Variants in LEPR observed in about 807,000 individuals in gnomAD.
LEPR encodes the protein leptin receptor.
In LEPR, 56 loss-of-function variants were observed where a neutral mutation model predicts 114.7. The observed-to-expected ratio is 0.49, with a 90% CI of 0.39 to 0.61. The LOEUF (loss-of-function observed/expected upper bound fraction) is 0.61. Among genes scored for constraint, LEPR ranks in the 20% least tolerant of loss-of-function variants. The probability of loss-of-function intolerance (pLI) is 0.00; values close to 1 mark genes in which losing one functional copy is unlikely to be tolerated. For synonymous variants in LEPR, 443 were observed against 461.4 expected, an observed-to-expected ratio of 0.96 and a Z score of 0.51; for missense variants, 1,202 against 1,352.9, an observed-to-expected ratio of 0.89 and a Z score of 1.75.
At chr1:65,433,845 G>A in intron 2 of LEPR, 29 of 985,130 alleles carry the variant, frequency 2.9e-5, no homozygotes, top group Non-Finnish European at 3.5e-5. Context: ...TGCCTTGCCT[G>A]AAAAGATAAC....
At chr1:65,592,291 T>A (rs1397363263) in intron 5 of LEPR, among the ~76,000 whole-genome samples, 2 of 151,532 alleles carry the variant, frequency 1.3e-5, no homozygotes, top group Non-Finnish European at 3.0e-5. Context: ...CCTTTAGCAT[T>A]TTTTATAGTG....
Position 65,545,019 on chromosome 1 carries a change from A to G in LEPR, c.-20-20527A>G, listed in dbSNP as rs867680360. On this transcript the variant is annotated intron_variant, in intron 2 of 19. Coordinates refer to ENST00000349533, the MANE Select transcript of LEPR (RefSeq NM_002303.6). ...CCCCTTCCTGTGTCCATGTGTTCTCATTGTTCAATTCCCACCTATGAGTGA... is the reference window on the plus strand; with the variant it reads ...CCCCTTCCTGTGTCCATGTGTTCTCGTTGTTCAATTCCCACCTATGAGTGA... 5.8e-4 allele frequency among the ~76,000 whole-genome samples: 83 copies of G among 142,954 alleles called. 1 individual carries two copies. The South Asian group carries it at 9.6e-3, about 16-fold the overall frequency. 93.8% of individuals were successfully genotyped at this position (142,954 alleles called of 152,430 possible).
At chr1:65,582,108 T>G (rs1655028411) in intron 5 of LEPR, among the ~76,000 whole-genome samples, 1 of 152,224 alleles carries the variant, frequency 6.6e-6, no homozygotes, top group Non-Finnish European at 1.5e-5. Context: ...GTTTTCATTA[T>G]GGCAGCACCC....
intron 2 of LEPR, among the ~76,000 whole-genome samples, chr1:65,451,133 T>C (rs1352183548): frequency 1.3e-5 from 2 of 152,228 alleles, no homozygotes; most frequent in Admixed American, 1.3e-4. Flanking sequence ...TGTTTGTTTT[T>C]TTCTTGTAAA....
chr1:65,488,214 C>CTTTTCTT (rs774153035), intron 2 of LEPR, among the ~76,000 whole-genome samples: 1 of 46,768 alleles, frequency 2.1e-5, no homozygotes, highest in Non-Finnish European at 3.6e-5. Flanking sequence ...CTTTCTTTCT[C>CTTTTCTT]TCTCTCTCTC....
At chr1:65,542,109 T>C (rs1035412819) in intron 2 of LEPR, among the ~76,000 whole-genome samples, 2 of 152,176 alleles carry the variant, frequency 1.3e-5, no homozygotes, top group African/African-American at 4.8e-5. Context: ...GTAAGCATGA[T>C]TAATATGCTT....
intron 2 of LEPR, among the ~76,000 whole-genome samples, chr1:65,546,439 A>G (rs1197436272): frequency 6.6e-6 from 1 of 152,112 alleles, no homozygotes; most frequent in Non-Finnish European, 1.5e-5. Context: ...CCTACCCATG[A>G]GCATGGAATG....
chr1:65,504,385 A>G (rs1466523697), intron 2 of LEPR, among the ~76,000 whole-genome samples: 1 of 152,180 alleles, frequency 6.6e-6, no homozygotes, highest in Non-Finnish European at 1.5e-5. Flanking sequence ...AACCTGATAA[A>G]CACTACCTCA....
intron 19 of LEPR, among the ~76,000 whole-genome samples, chr1:65,628,578 C>T (rs892302625): frequency 6.6e-6 from 1 of 152,138 alleles, no homozygotes; most frequent in Non-Finnish European, 1.5e-5. Context: ...AAAAATATCT[C>T]TGAACATTGT....
At chr1:65,438,309 TGGGA>T (rs1257044184) in intron 2 of LEPR, among the ~76,000 whole-genome samples, 2 of 151,750 alleles carry the variant, frequency 1.3e-5, no homozygotes, top group Non-Finnish European at 2.9e-5. Flanking sequence ...CCCAGCACTT[TGGGA>T]GGCCGAGGTG....
chr1:65,480,397 A>T (rs1369579164), intron 2 of LEPR, among the ~76,000 whole-genome samples: 1 of 152,206 alleles, frequency 6.6e-6, no homozygotes, highest in Non-Finnish European at 1.5e-5. Flanking sequence ...CAGGAGCTGC[A>T]TGGAGACAGA....
intron 2 of LEPR, among the ~76,000 whole-genome samples, chr1:65,459,198 T>G (rs1256092662): frequency 6.6e-6 from 1 of 152,206 alleles, no homozygotes; most frequent in Non-Finnish European, 1.5e-5. Flanking sequence ...CCTTGGATGA[T>G]GAAGTTGGCT....
chr1:65,530,468 C>A (rs186277572), intron 2 of LEPR, among the ~76,000 whole-genome samples: 2 of 152,286 alleles, frequency 1.3e-5, no homozygotes, highest in African/African-American at 4.8e-5. Flanking sequence ...CATAGAGCAG[C>A]CCCAAGGTCT....
chr1:65,603,140 C>T (rs546651611), intron 10 of LEPR, among the ~76,000 whole-genome samples: 3 of 152,200 alleles, frequency 2.0e-5, no homozygotes, highest in South Asian at 2.1e-4. Context: ...AGTGTTTCTG[C>T]GAGAGTTAAT....
chr1:65,473,947 T>C (rs1396724432), intron 2 of LEPR, among the ~76,000 whole-genome samples: 1 of 152,228 alleles, frequency 6.6e-6, no homozygotes, highest in Non-Finnish European at 1.5e-5. Context: ...AGCCAGGATC[T>C]TGGTTCTCTC....
At chr1:65,532,179 G>A (rs1487145635) in intron 2 of LEPR, among the ~76,000 whole-genome samples, 1 of 152,144 alleles carries the variant, frequency 6.6e-6, no homozygotes, top group African/African-American at 2.4e-5. Flanking sequence ...AATCTCATGG[G>A]CTTAATGCAG....
At chr1:65,505,984 CA>C (rs1648706547) in intron 2 of LEPR, among the ~76,000 whole-genome samples, 2 of 152,198 alleles carry the variant, frequency 1.3e-5, no homozygotes, top group African/African-American at 4.8e-5. Flanking sequence ...TTTTGTGAAA[CA>C]ATGTTGATAA....
At chr1:65,429,889 T>C in intron 2 of LEPR, 1 of 1,513,292 alleles carries the variant, frequency 6.6e-7, no homozygotes, top group Non-Finnish European at 9.0e-7. Context: ...TCGTCCTGAT[T>C]TTCCACGCCA....
intron 2 of LEPR, chr1:65,434,818 C>T (rs1428055164): frequency 1.0e-6 from 1 of 985,402 alleles, no homozygotes; most frequent in Non-Finnish European, 1.2e-6. Flanking sequence ...TCTTCATATT[C>T]CAGAGTCACC....
Sources: gnomAD v4.1 joint callset for allele counts (sites outside exome capture counted in the v4.1 genomes callset) on GRCh38, gnomAD v4.1.1 for gene constraint, MANE v1.5 for transcripts, NCBI Gene and HGNC (gene_info 2026-07-23, HGNC 2026-07-21) for gene names.